The following HSF1 variants were observed in gnomAD, a reference collection of about 807,000 sequenced individuals.
HSF1 encodes heat shock transcription factor 1.
HSF1 carries 32 observed loss-of-function variants against 51.7 expected under a neutral mutation model. That is an observed-to-expected ratio of 0.62 (90% CI 0.47 to 0.83). The LOEUF is 0.83. HSF1 is among the 40% of genes least tolerant of loss of function. The probability of loss-of-function intolerance (pLI) is 0.00; values close to 1 mark genes in which losing one functional copy is unlikely to be tolerated. For missense variants in HSF1, 727 were observed against 717.0 expected, an observed-to-expected ratio of 1.01 and a Z score of -0.16; for synonymous variants, 396 against 309.7, an observed-to-expected ratio of 1.28 and a Z score of -2.92.
At chr8:144,311,286 A>G (rs375095389) in intron 5 of HSF1, 35 bp from the exon 6 acceptor site, 70 of 1,612,958 alleles carry the variant, frequency 4.3e-5, no homozygotes, top group Non-Finnish European at 5.7e-5. Flanking sequence ...GGGGCCCCAC[A>G]AGGGCCGGGG....
chr8:144,311,680 C>T lies in HSF1; in HGVS notation c.724-20C>T, dbSNP rs782750732. ...GTTGCCCCTGCCGGCACTGCATGGACCTCCTGCCTTTGATTGCAGGCCCCC... is the reference window on the plus strand; with the variant it reads ...GTTGCCCCTGCCGGCACTGCATGGATCTCCTGCCTTTGATTGCAGGCCCCC... On this transcript the variant is annotated intron_variant, in intron 7 of 12. Coordinates refer to ENST00000528838, the MANE Select transcript of HSF1 (RefSeq NM_005526.4). 2.7e-5 allele frequency: 43 copies of T among 1,609,524 alleles called. No individual in the cohort carries two copies. The highest frequency in any genetic ancestry group is 3.3e-4 in the Middle Eastern group (2 of 6,066).
chr8:144,313,424 C>T, intron 9 of HSF1, 87 bp from the exon 10 acceptor site: 8 of 861,986 alleles, frequency 9.3e-6, no homozygotes, highest in Non-Finnish European at 1.5e-5. Flanking sequence ...CTGGGGGGTA[C>T]AGTCAAGGGG....
intron 1 of HSF1, among the ~76,000 whole-genome samples, chr8:144,306,812 T>G (rs1816255621): frequency 6.6e-6 from 1 of 152,214 alleles, no homozygotes; most frequent in Admixed American, 6.5e-5. Flanking sequence ...TTCTTTCTTG[T>G]TTATGGCCAC....
rs1364807232 is a variant in HSF1, at chr8:144,309,954, C to G, written c.488+58C>G. 6.3e-6 allele frequency: 10 copies of G among 1,577,472 alleles called. No homozygotes were observed. In the South Asian group the frequency reaches 1.0e-4, roughly 16 times the overall value. On this transcript the variant is annotated intron_variant, in intron 4 of 12. Coordinates refer to ENST00000528838, the MANE Select transcript of HSF1 (RefSeq NM_005526.4). ...GGGTCCTGGCGCCCACCAAGAGGCC[C>G]CGGGTGCTGTGGGGGCAGGGCCCTG...
At position 144,313,770 on chromosome 8, in the gene HSF1, TCCCCGCCCCGCCTCCCCGCCCCGCC is replaced by T. The variant is rs1588671816; in HGVS notation, c.1249-75_1249-51del. The T allele has an allele frequency of 4.5e-4, 11 of 24,698 alleles. 2 individuals are homozygous for T. In the African/African-American group the frequency reaches 4.6e-3, roughly 10 times the overall value. The allele number at this position is 24,698 out of a possible 1,614,324, so 1.5% of individuals were successfully genotyped here. ...CGCCTCCCCGCCCCGCCTCCCCGCC[TCCCCGCCCCGCCTCCCCGCCCCGCC>T]TCCCCGCCCCGCCCCCGGGTGCTGT... On this transcript the variant is annotated intron_variant, in intron 10 of 12. Transcript: ENST00000528838.
At chr8:144,309,999 C>A in intron 4 of HSF1, 103 bp downstream of exon 4, 1 of 1,363,958 alleles carries the variant, frequency 7.3e-7, no homozygotes, top group South Asian at 1.3e-5. Flanking sequence ...AGGTGCTCAG[C>A]TCCACCCTCC....
Position 144,314,176 on chromosome 8 carries a change from G to C in HSF1, c.1436G>C (p.Gly479Ala), listed in dbSNP as rs1485848800. ...TAQPLFLLDP[G>A]SVDTGSNDLP... is the part of the protein sequence containing the mutation. ...CAGCCGCTGTTCCTGCTGGACCCCG[G>C]CTCCGTGGACACCGGGAGCAACGAC... The change falls in exon 13 of 13, where the codon GGC (glycine) becomes GCC (alanine). Residue 479 changes from glycine (G) to alanine (A), a missense_variant. By Grantham distance (60) the Gly-to-Ala change is moderately conservative. Around this residue, in one of 2 missense-constraint regions of HSF1, gnomAD observed 470 missense variants for 398.8 expected, o/e 1.18. Coordinates refer to ENST00000528838, the MANE Select transcript of HSF1 (RefSeq NM_005526.4). 2 of 1,547,478 alleles carry C rather than the reference G, an allele frequency of 1.3e-6. No homozygotes were observed. Among genetic ancestry groups the C allele is most frequent in the Admixed American group, 3.9e-5 (2 of 50,812 alleles).
At position 144,297,496 on chromosome 8, in the gene HSF1, G is replaced by A. The variant is rs782124580; in HGVS notation, c.117+5622G>A. ...GAGCGGAAACAAGAAGAGTGTTTAT[G>A]AGAAAGGTGCGGGTGGCTCAGATGT... On this transcript the variant is annotated intron_variant, in intron 1 of 12. Coordinates refer to ENST00000528838, the MANE Select transcript of HSF1 (RefSeq NM_005526.4). This position sits in a 1 kb window ranked among gnomAD's most constrained non-coding sequence, Gnocchi z 4.6. Among the ~76,000 whole-genome samples the A allele has an allele frequency of 1.3e-5, 2 of 152,248 alleles. No individual in the cohort carries two copies. Among genetic ancestry groups the A allele is most frequent in the Non-Finnish European group, 2.9e-5 (2 of 68,042 alleles).
At chr8:144,303,068 T>A (rs1375133391) in intron 1 of HSF1, among the ~76,000 whole-genome samples, 1 of 152,050 alleles carries the variant, frequency 6.6e-6, no homozygotes, top group African/African-American at 2.4e-5. Context: ...GGGAGTTGCA[T>A]GTGAAATTCA....
At chr8:144,292,676 A>G (rs1815178366) in intron 1 of HSF1, 1 of 152,286 alleles carries the variant, frequency 6.6e-6, no homozygotes, top group South Asian at 2.1e-4. Flanking sequence ...GAAGGGCCAC[A>G]CTGGCCGAGT....
intron 1 of HSF1, among the ~76,000 whole-genome samples, chr8:144,303,618 C>T (rs921785465): frequency 8.5e-5 from 13 of 152,312 alleles, no homozygotes; most frequent in Non-Finnish European, 1.6e-4. Flanking sequence ...TGGCTCATGC[C>T]TGTAATCCCA....
chr8:144,302,696 C>T lies in HSF1; in HGVS notation c.118-6210C>T, dbSNP rs151300960. 1.8e-4 allele frequency among the ~76,000 whole-genome samples: 27 copies of T among 151,566 alleles called. 1 individual carries two copies. Among genetic ancestry groups the T allele is most frequent in the African/African-American group, 6.3e-4 (26 of 41,336 alleles). On this transcript the variant is annotated intron_variant, in intron 1 of 12. Transcript: ENST00000528838. ...AATGAGCCTGATGTGGTGGTGTGCT[C>T]CTGTGGGCCCAGCTACGCGGGAGGC...
Position 144,311,198 on chromosome 8 carries a change from G to A in HSF1, c.513G>A (p.Glu171=). The change falls in exon 5 of 13, where the codon GAG becomes GAA. Residue 171 remains glutamate (E), a synonymous_variant. Coordinates refer to ENST00000528838, the MANE Select transcript of HSF1 (RefSeq NM_005526.4). ...GTGAGAATGAGGCTCTGTGGCGGGA[G>A]GTGGCCAGCCTTCGGCAGAAGCATG... The part of the protein sequence containing the change: ...MKHENEALWR[E]VASLRQKHAQ... The A allele has an allele frequency of 6.2e-7, 1 of 1,603,018 alleles. No homozygotes were observed. The highest frequency in any genetic ancestry group is 8.5e-7 in the Non-Finnish European group (1 of 1,175,096).
At chr8:144,311,123 C>G (rs1816616672) in intron 4 of HSF1, 51 bp from the exon 5 acceptor site, 1 of 1,527,850 alleles carries the variant, frequency 6.5e-7, no homozygotes, top group Non-Finnish European at 8.9e-7. Context: ...GCTCCCTCAG[C>G]CCTGGGGCTC....
intron 4 of HSF1, 104 bp from the exon 5 acceptor site, chr8:144,311,070 A>C (rs1221323465): frequency 2.7e-6 from 3 of 1,105,726 alleles, no homozygotes; most frequent in Admixed American, 4.3e-5. Context: ...ACATGGTCAC[A>C]CTTACCCCTG....
chr8:144,306,798 T>C (rs538703778), intron 1 of HSF1, among the ~76,000 whole-genome samples: 1 of 152,368 alleles, frequency 6.6e-6, no homozygotes, highest in African/African-American at 2.4e-5. Flanking sequence ...CTGTAAAGGT[T>C]GCGTTCTTTC....
In HSF1 at chr8:144,307,954, C is replaced by T. The variant is rs1395716992; in HGVS notation, c.118-952C>T. The stretch of plus-strand genomic sequence containing the variant: ...TCTCCTGCTGCCTTGGGGTCCTTTC[C>T]GTGACCGTTTCCCTCCCTGACACGT... On this transcript the variant is annotated intron_variant, in intron 1 of 12. Coordinates refer to ENST00000528838, the MANE Select transcript of HSF1 (RefSeq NM_005526.4). Among the ~76,000 whole-genome samples, 5 of 152,230 alleles carry T rather than the reference C, an allele frequency of 3.3e-5. 1 individual carries two copies. The highest frequency in any genetic ancestry group is 4.1e-4 in the South Asian group (2 of 4,832).
Position 144,314,555 on chromosome 8 carries a change from C to T in HSF1, c.*225C>T. On this transcript the variant is annotated 3_prime_UTR_variant, in exon 13 of 13. Coordinates refer to ENST00000528838, the MANE Select transcript of HSF1 (RefSeq NM_005526.4). The stretch of plus-strand genomic sequence containing the variant: ...GTGTCCTGTGGTTTGGTTGGGGCTT[C>T]ACAGCCACACCTGGACTGACCCTGC... 1 of 588,466 alleles carries T rather than the reference C, an allele frequency of 1.7e-6. No individual in the cohort carries two copies. The allele number at this position is 588,466 out of a possible 1,614,324, so 36.5% of individuals were successfully genotyped here.
In HSF1 at chr8:144,291,657, G is replaced by C; in HGVS notation, c.-101G>C. 1 of 634,520 alleles carries C rather than the reference G, an allele frequency of 1.6e-6. No homozygotes were observed. The highest frequency in any genetic ancestry group is 2.4e-6 in the Non-Finnish European group (1 of 412,110). 39.3% of individuals were successfully genotyped at this position (634,520 alleles called of 1,614,324 possible). ...GCCCCGGGGCTGTGTGTGCGCAGCG[G>C]GCGGCGGCGCGGCCCGGAAGGCTGG... On this transcript the variant is annotated 5_prime_UTR_variant, in exon 1 of 13. Coordinates refer to ENST00000528838, the MANE Select transcript of HSF1 (RefSeq NM_005526.4). This position sits in a 1 kb window ranked among gnomAD's most constrained non-coding sequence, Gnocchi z 4.1.
Sources: gnomAD v4.1 joint callset for allele counts (sites outside exome capture counted in the v4.1 genomes callset) on GRCh38, gnomAD v4.1.1 for gene constraint, gnomAD v4.1.1 regional missense constraint, Gnocchi (gnomAD v3.1) non-coding constraint, MANE v1.5 for transcripts, NCBI Gene and HGNC (gene_info 2026-07-23, HGNC 2026-07-21) for gene names.